Variants in MACROD2 observed in about 807,000 individuals in gnomAD.
MACROD2 encodes the protein mono-ADP ribosylhydrolase 2, also known as ADP-ribose glycohydrolase MACROD2.
In MACROD2, 36 loss-of-function variants were observed where a neutral mutation model predicts 70.4. The observed-to-expected ratio is 0.51, with a 90% CI of 0.39 to 0.68. MACROD2 has a LOEUF of 0.68. Among genes scored for constraint, MACROD2 ranks in the 30% least tolerant of loss-of-function variants. MACROD2 has a pLI of 0.00. For synonymous variants in MACROD2, 172 were observed against 178.8 expected, an observed-to-expected ratio of 0.96 and a Z score of 0.30; for missense variants, 496 against 538.4, an observed-to-expected ratio of 0.92 and a Z score of 0.78.
At position 15,242,464 on chromosome 20, in the gene MACROD2, A is replaced by G. The variant is rs535649753; in HGVS notation, c.540+12403A>G. 8.2e-4 allele frequency among the ~76,000 whole-genome samples: 125 copies of G among 152,316 alleles called. 1 individual carries two copies. The highest frequency in any genetic ancestry group is 2.7e-3 in the African/African-American group (114 of 41,574). On this transcript the variant is annotated intron_variant, in intron 6 of 17. Transcript: ENST00000684519. Reference sequence around the variant, plus strand: ...ATAATAAGTGTTTGAGAATTTCTGCATCTATATTCATAAGAGATACTGGTC... The same window carrying G: ...ATAATAAGTGTTTGAGAATTTCTGCGTCTATATTCATAAGAGATACTGGTC...
At chr20:15,634,244 G>A (rs1356099879) in intron 8 of MACROD2, among the ~76,000 whole-genome samples, 1 of 152,184 alleles carries the variant, frequency 6.6e-6, no homozygotes, top group Non-Finnish European at 1.5e-5. Context: ...TTGACATAAT[G>A]TATTATTGGA....
intron 6 of MACROD2, among the ~76,000 whole-genome samples, chr20:15,352,755 G>A (rs1302249233): frequency 6.6e-6 from 1 of 152,096 alleles, no homozygotes; most frequent in Non-Finnish European, 1.5e-5. Context: ...AGTCACAGTT[G>A]CTTCAAAGAG....
chr20:15,571,745 A>G (rs2048378615), intron 8 of MACROD2, among the ~76,000 whole-genome samples: 1 of 152,116 alleles, frequency 6.6e-6, no homozygotes, highest in African/African-American at 2.4e-5. Context: ...TTGGAAACAT[A>G]CTGTTTTCCA....
At chr20:14,058,575 TC>T (rs1262353343) in intron 2 of MACROD2, among the ~76,000 whole-genome samples, 2 of 151,770 alleles carry the variant, frequency 1.3e-5, no homozygotes, top group African/African-American at 2.4e-5. Context: ...AGTCTTTGAC[TC>T]CTTTTTTCTT....
chr20:15,083,463 G>T (rs978225801), intron 5 of MACROD2, among the ~76,000 whole-genome samples: 1 of 152,090 alleles, frequency 6.6e-6, no homozygotes, highest in African/African-American at 2.4e-5. Context: ...TCCTTTAGGG[G>T]TTGCTTATTT....
intron 5 of MACROD2, among the ~76,000 whole-genome samples, chr20:15,126,600 C>G (rs1601108478): frequency 6.6e-6 from 1 of 151,988 alleles, no homozygotes; most frequent in Non-Finnish European, 1.5e-5. Context: ...ATTGAAATAG[C>G]TCAAAGTCTA....
At chr20:15,542,710 A>G (rs1191116002) in intron 8 of MACROD2, among the ~76,000 whole-genome samples, 2 of 152,222 alleles carry the variant, frequency 1.3e-5, no homozygotes, top group Non-Finnish European at 1.5e-5. Context: ...GGTTCTCACA[A>G]TATTTACTAT....
intron 5 of MACROD2, among the ~76,000 whole-genome samples, chr20:14,694,600 A>G (rs2123618622): frequency 6.6e-6 from 1 of 152,314 alleles, no homozygotes; most frequent in African/African-American, 2.4e-5. Flanking sequence ...ATTTGTAGTA[A>G]TATTGCAAGT....
intron 3 of MACROD2, among the ~76,000 whole-genome samples, chr20:14,315,098 C>T (rs1325078944): frequency 6.6e-6 from 1 of 152,040 alleles, no homozygotes; most frequent in South Asian, 2.1e-4. Context: ...GTCAGCATGT[C>T]ACAATAAAGA....
chr20:14,035,942 A>G (rs1310142049), intron 2 of MACROD2, among the ~76,000 whole-genome samples: 1 of 152,200 alleles, frequency 6.6e-6, no homozygotes, highest in African/African-American at 2.4e-5. Context: ...GGAGATTGAG[A>G]CCATCCTGGC....
intron 4 of MACROD2, among the ~76,000 whole-genome samples, chr20:14,586,878 G>A (rs548919172): frequency 7.9e-5 from 12 of 151,962 alleles, no homozygotes; most frequent in African/African-American, 2.7e-4. Context: ...CATAATATTT[G>A]GAGAGGCTGA....
chr20:15,996,303 C>G (rs993612578), intron 15 of MACROD2, among the ~76,000 whole-genome samples: 4 of 152,108 alleles, frequency 2.6e-5, no homozygotes, highest in African/African-American at 7.2e-5. Flanking sequence ...ATTTATAAGT[C>G]TTCTTTGGAA....
intron 8 of MACROD2, among the ~76,000 whole-genome samples, chr20:15,582,016 G>T (rs535911561): frequency 2.4e-4 from 36 of 152,122 alleles, no homozygotes; most frequent in Non-Finnish European, 5.1e-4. Flanking sequence ...CAGCTACCTG[G>T]GAGGCTGAGG....
At chr20:15,933,163 G>T in intron 10 of MACROD2, 113 bp from the exon 11 acceptor site, 1 of 951,472 alleles carries the variant, frequency 1.1e-6, no homozygotes, top group East Asian at 2.6e-5. Context: ...CTGGCTTTAT[G>T]GGGAGTCATG....
At chr20:15,817,512 A>C (rs16996626) in intron 8 of MACROD2, among the ~76,000 whole-genome samples, 19,539 of 152,224 alleles carry the variant, frequency 0.13, 1,383 homozygotes, top group Middle Eastern at 0.3. Context: ...GTATCTAATG[A>C]GTTCATACCA....
intron 7 of MACROD2, among the ~76,000 whole-genome samples, chr20:15,458,368 C>T (rs536358867): frequency 7.9e-5 from 12 of 152,096 alleles, no homozygotes; most frequent in Middle Eastern, 6.8e-3. Flanking sequence ...AAACTCAGGA[C>T]GATATTTGGA....
At chr20:14,484,212 T>A (rs914402828) in intron 3 of MACROD2, among the ~76,000 whole-genome samples, 1 of 152,210 alleles carries the variant, frequency 6.6e-6, no homozygotes, top group African/African-American at 2.4e-5. Flanking sequence ...ATATGCATTT[T>A]AAAATAGTTA....
At chr20:14,054,550 T>A (rs757640348) in intron 2 of MACROD2, among the ~76,000 whole-genome samples, 3 of 152,022 alleles carry the variant, frequency 2.0e-5, no homozygotes, top group Non-Finnish European at 4.4e-5. Flanking sequence ...AGTTTTAAAC[T>A]CCCCAAGTTT....
At chr20:16,047,552 A>G (rs2067399991) in intron 17 of MACROD2, among the ~76,000 whole-genome samples, 1 of 152,190 alleles carries the variant, frequency 6.6e-6, no homozygotes, top group African/African-American at 2.4e-5. Flanking sequence ...GCACTCTCGT[A>G]ATGCTCGTTG....
Sources: gnomAD v4.1 joint callset for allele counts (sites outside exome capture counted in the v4.1 genomes callset) on GRCh38, gnomAD v4.1.1 for gene constraint, MANE v1.5 for transcripts, NCBI Gene and HGNC (gene_info 2026-07-23, HGNC 2026-07-21) for gene names.